PPP1R1C: variants seen among roughly 807,000 people sequenced by gnomAD.
PPP1R1C encodes protein phosphatase 1 regulatory inhibitor subunit 1C, also known as protein phosphatase 1 regulatory subunit 1C.
Under a neutral mutation model 17.4 loss-of-function variants are expected in PPP1R1C, and 15 were observed. The ratio of observed to expected loss-of-function variants is 0.86; its 90% CI spans 0.58 to 1.33. PPP1R1C has a LOEUF of 1.33. Ranked by LOEUF, PPP1R1C falls within the 40% of genes most tolerant of loss-of-function variation. The pLI is 0.00. For synonymous variants in PPP1R1C, 35 were observed against 43.1 expected (o/e 0.81, Z 0.73); for missense variants, 143 against 130.0 (o/e 1.10, Z -0.48).
chr2:182,068,371 C>G (rs773692739), intron 4 of PPP1R1C, among the ~76,000 whole-genome samples: 2 of 152,126 alleles, frequency 1.3e-5, no homozygotes, highest in African/African-American at 2.4e-5. Context: ...CTTCACCCTG[C>G]AGCATGAAGG....
At chr2:182,065,955 C>T (rs1253711043) in intron 4 of PPP1R1C, among the ~76,000 whole-genome samples, 2 of 151,996 alleles carry the variant, frequency 1.3e-5, no homozygotes, top group Non-Finnish European at 2.9e-5. Flanking sequence ...TAATAAGCTC[C>T]ACTTTGCCTG....
intron 2 of PPP1R1C, among the ~76,000 whole-genome samples, chr2:182,045,306 G>A (rs574121336): frequency 7.9e-5 from 12 of 152,194 alleles, no homozygotes; most frequent in Non-Finnish European, 1.8e-4. Context: ...TATTTAGGAT[G>A]AAAAGTGAAT....
intron 4 of PPP1R1C, among the ~76,000 whole-genome samples, chr2:182,097,475 C>T (rs1688974546): frequency 6.6e-6 from 1 of 152,188 alleles, no homozygotes; most frequent in Non-Finnish European, 1.5e-5. Flanking sequence ...CACAAACAAC[C>T]ACATACACAC....
chr2:182,047,780 A>G (rs1250174078), intron 2 of PPP1R1C, among the ~76,000 whole-genome samples: 2 of 152,186 alleles, frequency 1.3e-5, no homozygotes, highest in South Asian at 2.1e-4. Context: ...GTTTCAAATA[A>G]TCTGCTTTTT....
At chr2:182,081,645 C>T (rs1196154) in intron 4 of PPP1R1C, among the ~76,000 whole-genome samples, 100,900 of 151,996 alleles carry the variant, frequency 0.66, 33,929 homozygotes, top group African/African-American at 0.75. Context: ...AAATGAACTT[C>T]GATAACTTCT....
intron 2 of PPP1R1C, among the ~76,000 whole-genome samples, chr2:182,058,875 T>A (rs1443954128): frequency 1.3e-5 from 2 of 152,160 alleles, no homozygotes; most frequent in Non-Finnish European, 2.9e-5. Flanking sequence ...CACTTTTCCT[T>A]ATTTTTTGAC....
At chr2:182,037,044 T>C (rs909043259) in intron 2 of PPP1R1C, among the ~76,000 whole-genome samples, 1 of 152,176 alleles carries the variant, frequency 6.6e-6, no homozygotes, top group East Asian at 1.9e-4. Flanking sequence ...CCAGAACGGA[T>C]TGAGGCTTGA....
rs200236024 is a variant in PPP1R1C at position 182,097,027 on chromosome 2, A to G, written c.242-20180A>G. 1.3e-4 allele frequency among the ~76,000 whole-genome samples: 20 copies of G among 152,346 alleles called. No individual in the cohort carries two copies. In the East Asian group the frequency reaches 3.9e-3, roughly 29 times the overall value. ...CTGGGTTGCAGTCTGAAGAACATAC[A>G]CTATTACTAGACTTTTAAGCCCATT... On this transcript the variant is annotated intron_variant, in intron 4 of 4. Coordinates refer to ENST00000682840, the MANE Select transcript of PPP1R1C (RefSeq NM_001080545.3).
intron 2 of PPP1R1C, among the ~76,000 whole-genome samples, chr2:181,997,432 A>G (rs1388047054): frequency 2.0e-5 from 3 of 151,966 alleles, no homozygotes; most frequent in Non-Finnish European, 4.4e-5. Context: ...GTGTCTTGAA[A>G]AGCTTTGAAA....
intron 2 of PPP1R1C, among the ~76,000 whole-genome samples, chr2:182,033,662 A>T (rs1056394364): frequency 6.6e-6 from 1 of 152,102 alleles, no homozygotes; most frequent in South Asian, 2.1e-4. Flanking sequence ...CCTTGTGCCA[A>T]CTTTGCCGTT....
chr2:182,096,606 T>C (rs760599999), intron 4 of PPP1R1C, among the ~76,000 whole-genome samples: 1 of 152,214 alleles, frequency 6.6e-6, no homozygotes, highest in Non-Finnish European at 1.5e-5. Flanking sequence ...GTCCTTTTTC[T>C]TGTTCTTAAA....
Position 181,962,081 on chromosome 2 carries a change from A to G in PPP1R1C, n.111+7447A>G. The G allele has an allele frequency of 1.4e-6, 1 of 721,856 alleles. No homozygotes were observed. The highest frequency in any genetic ancestry group is 2.6e-6 in the Non-Finnish European group (1 of 390,724). The allele number at this position is 721,856 out of a possible 1,614,324, so 44.7% of individuals were successfully genotyped here. ...GAAGATCTGAACCCTCAGGTCCTCG[A>G]TGGTCTTGAGGTAATGACTCCAGTC... On this transcript the variant is annotated intron_variant and non_coding_transcript_variant, in intron 1 of 5. Transcript: ENST00000464264. The surrounding 1 kb of genome is among the most constrained non-coding windows in gnomAD (Gnocchi z 6.0).
At chr2:182,008,091 AAAAAT>A (rs1195792259) in intron 2 of PPP1R1C, among the ~76,000 whole-genome samples, 1 of 129,100 alleles carries the variant, frequency 7.7e-6, no homozygotes, top group African/African-American at 2.5e-5. Flanking sequence ...AAATAAATAA[AAAAAT>A]AAAATAAAAT....
downstream of PPP1R1C, among the ~76,000 whole-genome samples, chr2:182,122,726 GA>G (rs1434110349): frequency 6.6e-6 from 1 of 151,224 alleles, no homozygotes; most frequent in South Asian, 2.1e-4. Flanking sequence ...AAGTAAGCAA[GA>G]AAAAAAAGAA....
intron 2 of PPP1R1C, among the ~76,000 whole-genome samples, chr2:182,018,937 G>T (rs1237439725): frequency 6.6e-6 from 1 of 152,114 alleles, no homozygotes; most frequent in Non-Finnish European, 1.5e-5. Flanking sequence ...TGGGTAATTA[G>T]AAACCTGGAA....
intron 4 of PPP1R1C, among the ~76,000 whole-genome samples, chr2:182,108,889 A>C (rs1389290453): frequency 3.3e-5 from 5 of 152,184 alleles, no homozygotes; most frequent in Admixed American, 6.6e-5. Flanking sequence ...AATACAAAGC[A>C]GTGATTTCTG....
intron 1 of PPP1R1C, among the ~76,000 whole-genome samples, chr2:181,955,430 G>GT (rs1684654383): frequency 6.6e-6 from 1 of 152,166 alleles, no homozygotes; most frequent in African/African-American, 2.4e-5. Flanking sequence ...GTGTTTAAAT[G>GT]TAATTATCGT....
chr2:182,082,778 G>T (rs1688518390), intron 4 of PPP1R1C, among the ~76,000 whole-genome samples: 1 of 152,106 alleles, frequency 6.6e-6, no homozygotes. Flanking sequence ...GGCAGAAAGG[G>T]CATCCTTTCC....
chr2:182,049,614 G>A (rs991847596), intron 2 of PPP1R1C, among the ~76,000 whole-genome samples: 1 of 152,014 alleles, frequency 6.6e-6, no homozygotes, highest in Non-Finnish European at 1.5e-5. Flanking sequence ...ATTCTTTCAG[G>A]CCCCAAAACA....
Sources: allele counts gnomAD v4.1 joint callset (sites outside exome capture counted in the v4.1 genomes callset), GRCh38; gene constraint gnomAD v4.1.1; non-coding constraint Gnocchi (gnomAD v3.1); transcripts MANE v1.5; gene names NCBI Gene and HGNC (gene_info 2026-07-23, HGNC 2026-07-21).